Variants in TRIM33 observed in about 807,000 individuals in gnomAD.
TRIM33 encodes E3 ubiquitin-protein ligase TRIM33.
A neutral mutation model predicts 125.4 loss-of-function variants in TRIM33; 20 were observed. The observed-to-expected ratio is 0.16, with a 90% CI of 0.11 to 0.23. TRIM33 has a LOEUF of 0.23. TRIM33 is among the 10% of genes least tolerant of loss of function. The pLI, the probability that TRIM33 is intolerant of heterozygous loss-of-function variation, is 1.00. For synonymous variants in TRIM33, 564 were observed against 513.9 expected (o/e 1.10, Z -1.32); for missense variants, 920 against 1,411.4 (o/e 0.65, Z 5.58).
intron 4 of TRIM33, among the ~76,000 whole-genome samples, chr1:114,436,589 C>T (rs906037944): frequency 3.3e-5 from 5 of 151,918 alleles, no homozygotes; most frequent in East Asian, 2.0e-4. Context: ...CTCAGCCTCC[C>T]GAGTAGCTGG....
At chr1:114,497,830 C>G (rs1256469466) in intron 1 of TRIM33, among the ~76,000 whole-genome samples, 1 of 149,294 alleles carries the variant, frequency 6.7e-6, no homozygotes, top group Non-Finnish European at 1.5e-5. Flanking sequence ...GGGAGACAAC[C>G]AAGGATCATC....
chr1:114,486,000 C>G (rs1187549502), intron 1 of TRIM33, among the ~76,000 whole-genome samples: 1 of 152,100 alleles, frequency 6.6e-6, no homozygotes, highest in Non-Finnish European at 1.5e-5. Context: ...ATAAGCCAGG[C>G]ACAGTGGCTC....
intron 11 of TRIM33, among the ~76,000 whole-genome samples, chr1:114,419,410 G>A (rs1484125078): frequency 1.3e-5 from 2 of 152,088 alleles, no homozygotes; most frequent in Non-Finnish European, 2.9e-5. Context: ...AACCCGTCAG[G>A]CGGTTATACG....
At chr1:114,430,233 T>C (rs984935068) in intron 6 of TRIM33, among the ~76,000 whole-genome samples, 3 of 151,746 alleles carry the variant, frequency 2.0e-5, no homozygotes, top group Admixed American at 6.6e-5. Flanking sequence ...TTTAGTAACA[T>C]TTCTTTTTTC....
intron 4 of TRIM33, among the ~76,000 whole-genome samples, chr1:114,436,512 C>T (rs1315320276): frequency 6.6e-6 from 1 of 151,700 alleles, no homozygotes; most frequent in Non-Finnish European, 1.5e-5. Context: ...GTCGTCCAGG[C>T]TGGAGTGCAG....
In TRIM33 at chr1:114,393,524, A is replaced by G. The variant is rs563129886; in HGVS notation, c.*4124T>C. On this transcript the variant is annotated 3_prime_UTR_variant, in exon 20 of 20. Coordinates refer to ENST00000358465, the MANE Select transcript of TRIM33 (RefSeq NM_015906.4). ...AACTTTGTACACTTTGTAGTTTGAT[A>G]TGACAAATATATCCAAATTAACTTA... 10 of 200,548 alleles carry G rather than the reference A, an allele frequency of 5.0e-5. No individual in the cohort carries two copies. The South Asian group carries it at 1.9e-3, about 38-fold the overall frequency. The allele number at this position is 200,548 out of a possible 1,614,324, so 12.4% of individuals were successfully genotyped here.
chr1:114,427,067 G>A, intron 8 of TRIM33, 110 bp downstream of exon 8: 1 of 544,364 alleles, frequency 1.8e-6, no homozygotes, highest in Non-Finnish European at 3.3e-6. Flanking sequence ...TACATAAAAT[G>A]TAAAACATTA....
chr1:114,403,903 A>T (rs1330271955), intron 15 of TRIM33, among the ~76,000 whole-genome samples: 1 of 151,612 alleles, frequency 6.6e-6, no homozygotes, highest in East Asian at 2.0e-4. Context: ...GCCTCAAGTG[A>T]TCCACCTGCC....
chr1:114,495,770 A>C (rs747512264), intron 1 of TRIM33, among the ~76,000 whole-genome samples: 1 of 152,230 alleles, frequency 6.6e-6, no homozygotes, highest in Non-Finnish European at 1.5e-5. Context: ...TAATACACAA[A>C]TGAAAAAGAG....
chr1:114,429,232 G>A (rs1363200535), intron 6 of TRIM33, among the ~76,000 whole-genome samples: 1 of 151,598 alleles, frequency 6.6e-6, no homozygotes, highest in Non-Finnish European at 1.5e-5. Flanking sequence ...CTGTCGCCCA[G>A]GCTGGAGTGC....
rs1293956620 is a variant in TRIM33, at chr1:114,399,595, A to G, written c.2982T>C (p.Tyr994=). 2 of 1,603,472 alleles carry G rather than the reference A, an allele frequency of 1.2e-6. No individual in the cohort carries two copies. Among genetic ancestry groups the G allele is most frequent in the Non-Finnish European group, 1.7e-6 (2 of 1,173,820 alleles). The change falls in exon 18 of 20, where the codon TAT becomes TAC. Residue 994 remains tyrosine (Y), a synonymous_variant. Transcript: ENST00000358465. The part of the protein sequence containing the change: ...EPVPASIPNY[Y]KIIKKPMDLS... ...AATCCATTGGTTTCTTTATAATTTT[A>G]TAGTAGTTTGGTATCTAAAATAAGC...
At chr1:114,460,573 C>CTTT (rs35612978) in intron 4 of TRIM33, among the ~76,000 whole-genome samples, 4 of 64,428 alleles carry the variant, frequency 6.2e-5, no homozygotes, top group African/African-American at 1.3e-4. Flanking sequence ...CCCCCGCCAC[C>CTTT]TTTTTTTTTT....
Position 114,425,615 on chromosome 1 carries a change from T to G in TRIM33, c.1529A>C (p.Asn510Thr). ...NHISKTPGQI[N>T]LAQLRLQHMQ... Reference sequence around the variant, plus strand: ...GTGCTGGAGTCGAAGCTGTGCTAAGTTAATCTGTCCAGGGGTTTTACTAAT... The same window carrying G: ...GTGCTGGAGTCGAAGCTGTGCTAAGGTAATCTGTCCAGGGGTTTTACTAAT... Residue 510 changes from asparagine to threonine, a missense_variant, in exon 9 of 20, where the codon AAC becomes ACC. Asn to Thr is a moderately conservative substitution (Grantham distance 65). Around this residue, in one of 8 missense-constraint regions of TRIM33, gnomAD observed 407 missense variants for 589.7 expected, o/e 0.69. Transcript: ENST00000358465. The G allele has an allele frequency of 1.2e-6, 2 of 1,614,174 alleles. No individual in the cohort carries two copies. Among genetic ancestry groups the G allele is most frequent in the Non-Finnish European group, 8.5e-7 (1 of 1,180,026 alleles).
chr1:114,468,138 T>C (rs1557883286), intron 1 of TRIM33, among the ~76,000 whole-genome samples: 1 of 152,210 alleles, frequency 6.6e-6, no homozygotes. Context: ...GTCTAGTTCC[T>C]CTCTCCACCA....
At chr1:114,473,400 C>G (rs1000540565) in intron 1 of TRIM33, among the ~76,000 whole-genome samples, 1 of 152,026 alleles carries the variant, frequency 6.6e-6, no homozygotes, top group South Asian at 2.1e-4. Context: ...GCACATGGCC[C>G]CTGCTGCTGT....
intron 1 of TRIM33, among the ~76,000 whole-genome samples, chr1:114,492,089 C>T (rs985820486): frequency 6.6e-6 from 1 of 152,148 alleles, no homozygotes; most frequent in East Asian, 1.9e-4. Context: ...CCCAGTTTCA[C>T]CTCAGCTGGG....
At chr1:114,456,666 A>G (rs1427104742) in intron 4 of TRIM33, among the ~76,000 whole-genome samples, 1 of 152,190 alleles carries the variant, frequency 6.6e-6, no homozygotes, top group Non-Finnish European at 1.5e-5. Flanking sequence ...CACTTACTCT[A>G]TCACCACAGG....
intron 4 of TRIM33, among the ~76,000 whole-genome samples, chr1:114,445,520 C>T (rs1396614131): frequency 2.0e-5 from 3 of 152,138 alleles, no homozygotes; most frequent in African/African-American, 7.2e-5. Context: ...GGATTACAGG[C>T]GTGAGCTACC....
chr1:114,498,999 G>T (rs979221048), intron 1 of TRIM33, among the ~76,000 whole-genome samples: 7 of 152,098 alleles, frequency 4.6e-5, no homozygotes, highest in Non-Finnish European at 8.8e-5. Flanking sequence ...AAGATAAAAA[G>T]ATCTCAAGAA....
Sources: gnomAD v4.1 joint callset for allele counts (sites outside exome capture counted in the v4.1 genomes callset) on GRCh38, gnomAD v4.1.1 for gene constraint, gnomAD v4.1.1 regional missense constraint, MANE v1.5 for transcripts, NCBI Gene and HGNC (gene_info 2026-07-23, HGNC 2026-07-21) for gene names.